Variants in THSD4 observed in about 807,000 individuals in gnomAD.
THSD4 encodes the protein thrombospondin type-1 domain-containing protein 4.
Under a neutral mutation model 119.0 loss-of-function variants are expected in THSD4, and 69 were observed. The ratio of observed to expected loss-of-function variants is 0.58; its 90% CI spans 0.48 to 0.71. The LOEUF (loss-of-function observed/expected upper bound fraction) is 0.71, where lower values mean the gene tolerates loss of function less well. THSD4 is among the 30% of genes least tolerant of loss of function. THSD4 has a pLI of 0.00. For missense variants in THSD4, 1,393 were observed against 1,391.1 expected, an observed-to-expected ratio of 1.00 and a Z score of -0.02; for synonymous variants, 524 against 540.4, an observed-to-expected ratio of 0.97 and a Z score of 0.42.
chr15:71,513,852 AAACT>A (rs1171275431), intron 7 of THSD4, among the ~76,000 whole-genome samples: 4 of 152,252 alleles, frequency 2.6e-5, no homozygotes, highest in African/African-American at 7.2e-5. Flanking sequence ...AACAAAAAAC[AAACT>A]ATTGATTCAA....
At chr15:71,493,639 AC>A (rs1030224708) in intron 7 of THSD4, among the ~76,000 whole-genome samples, 12 of 152,162 alleles carry the variant, frequency 7.9e-5, no homozygotes, top group African/African-American at 2.2e-4. Context: ...AACACTTCAC[AC>A]TCACTGTGAA....
At chr15:71,679,546 T>C (rs572335241) in intron 8 of THSD4, among the ~76,000 whole-genome samples, 5 of 152,016 alleles carry the variant, frequency 3.3e-5, no homozygotes, top group Non-Finnish European at 7.4e-5. Flanking sequence ...TCAGAAGAAA[T>C]AGGGAAAGAG....
At chr15:71,192,304 T>TTTAC (rs2043679095) in intron 3 of THSD4, among the ~76,000 whole-genome samples, 1 of 151,480 alleles carries the variant, frequency 6.6e-6, no homozygotes, top group African/African-American at 2.4e-5. Flanking sequence ...TATTTATTTA[T>TTTAC]TGAGATGAAG....
intron 8 of THSD4, among the ~76,000 whole-genome samples, chr15:71,704,810 G>A (rs570528894): frequency 6.6e-6 from 1 of 152,350 alleles, no homozygotes; most frequent in South Asian, 2.1e-4. Context: ...CAGCAAGTGT[G>A]TTGCAGCCTA....
At position 71,265,541 on chromosome 15, in the gene THSD4, A is replaced by T. The variant is rs562379778; in HGVS notation, c.1015+8826A>T. Among the ~76,000 whole-genome samples the T allele has an allele frequency of 1.4e-4, 21 of 152,134 alleles. No homozygotes were observed. The South Asian group carries it at 4.4e-3, about 32-fold the overall frequency. ...AAACTGGGTGGTCATTTGGGCAGAC[A>T]CCAAGCTAGCTGCAGGAGTTTTTTT... On this transcript the variant is annotated intron_variant, in intron 6 of 17. Coordinates refer to ENST00000261862, the MANE Select transcript of THSD4 (RefSeq NM_024817.3).
At chr15:71,459,404 CTG>C (rs1555416115) in intron 7 of THSD4, among the ~76,000 whole-genome samples, 1 of 150,006 alleles carries the variant, frequency 6.7e-6, no homozygotes, top group Non-Finnish European at 1.5e-5. Flanking sequence ...CTCTCTCTCT[CTG>C]TCTCTCTCTC....
intron 7 of THSD4, among the ~76,000 whole-genome samples, chr15:71,572,574 G>A (rs1028241031): frequency 2.6e-5 from 4 of 151,990 alleles, no homozygotes; most frequent in South Asian, 4.2e-4. Flanking sequence ...GAGCTCTGGC[G>A]CTGGGCATGT....
rs77154980 is a variant in THSD4, at chr15:71,240,131, G to C, written c.465-2518G>C. Among the ~76,000 whole-genome samples, 348 of 152,300 alleles carry C rather than the reference G, an allele frequency of 2.3e-3. 4 individuals are homozygous for C. The highest frequency in any genetic ancestry group is 8.1e-3 in the African/African-American group (336 of 41,550). ...TATGAATACAAAAATATACATTGGT[G>C]CTTGTATATTTTACCCCCTCAGGCC... On this transcript the variant is annotated intron_variant, in intron 4 of 17. Transcript: ENST00000261862.
At chr15:71,566,912 T>C (rs998467295) in intron 7 of THSD4, among the ~76,000 whole-genome samples, 29 of 151,214 alleles carry the variant, frequency 1.9e-4, no homozygotes, top group Non-Finnish European at 2.8e-4. Flanking sequence ...TTTTTTTTTT[T>C]CCCTAAACAC....
intron 7 of THSD4, among the ~76,000 whole-genome samples, chr15:71,635,091 C>T (rs935106837): frequency 4.6e-5 from 7 of 152,164 alleles, no homozygotes; most frequent in African/African-American, 1.7e-4. Flanking sequence ...AAATATGCAT[C>T]GGTCACATGT....
intron 7 of THSD4, among the ~76,000 whole-genome samples, chr15:71,577,159 C>G (rs1380443978): frequency 6.6e-6 from 1 of 150,920 alleles, no homozygotes; most frequent in African/African-American, 2.4e-5. Context: ...CACCTGTGTG[C>G]TGAACTAGAC....
chr15:71,228,095 A>G (rs2044032737), intron 4 of THSD4, among the ~76,000 whole-genome samples: 1 of 152,094 alleles, frequency 6.6e-6, no homozygotes, highest in Non-Finnish European at 1.5e-5. Context: ...ATTTGGAAAA[A>G]GGGTCTTTTC....
At chr15:71,567,136 C>T (rs866089078) in intron 7 of THSD4, among the ~76,000 whole-genome samples, 1 of 152,182 alleles carries the variant, frequency 6.6e-6, no homozygotes, top group South Asian at 2.1e-4. Flanking sequence ...TGTGGAACTG[C>T]CCTCGACTGT....
chr15:71,641,278 C>T (rs1361955063), intron 7 of THSD4, among the ~76,000 whole-genome samples: 1 of 152,038 alleles, frequency 6.6e-6, no homozygotes, highest in Non-Finnish European at 1.5e-5. Context: ...TACCATTCCT[C>T]TGTAAGCCCC....
chr15:71,482,051 A>G (rs1487842350), intron 7 of THSD4, among the ~76,000 whole-genome samples: 2 of 152,182 alleles, frequency 1.3e-5, no homozygotes, highest in Non-Finnish European at 2.9e-5. Flanking sequence ...CCTTCTGGCC[A>G]TAGTCTGATC....
At chr15:71,545,830 C>T (rs953169587) in intron 7 of THSD4, among the ~76,000 whole-genome samples, 4 of 152,194 alleles carry the variant, frequency 2.6e-5, no homozygotes, top group East Asian at 3.9e-4. Context: ...CCCTGTCCCC[C>T]ACCAAAAAAC....
At chr15:71,220,141 G>T (rs11856791) in intron 4 of THSD4, among the ~76,000 whole-genome samples, 2 of 151,942 alleles carry the variant, frequency 1.3e-5, no homozygotes, top group East Asian at 1.9e-4. Context: ...CTTACACTTT[G>T]GTGGTGGAGA....
At chr15:71,567,626 AAG>A (rs550798284) in intron 7 of THSD4, among the ~76,000 whole-genome samples, 10 of 150,908 alleles carry the variant, frequency 6.6e-5, no homozygotes, top group Non-Finnish European at 1.3e-4. Context: ...ACACACATGA[AAG>A]AGAGTCACAG....
upstream of THSD4, chr15:71,113,481 A>T (rs1447910211): frequency 6.6e-6 from 1 of 152,144 alleles, no homozygotes; most frequent in Non-Finnish European, 1.5e-5. Flanking sequence ...AACAAACAAA[A>T]CCACATCCTT....
Sources: allele counts gnomAD v4.1 joint callset (sites outside exome capture counted in the v4.1 genomes callset), GRCh38; gene constraint gnomAD v4.1.1; transcripts MANE v1.5; gene names NCBI Gene and HGNC (gene_info 2026-07-23, HGNC 2026-07-21).